The following COL9A2 variants were observed in gnomAD, a reference collection of about 807,000 sequenced individuals.
The protein encoded by COL9A2 is collagen alpha-2(IX) chain.
A neutral mutation model predicts 111.6 loss-of-function variants in COL9A2; 66 were observed. That is an observed-to-expected ratio of 0.59 (90% CI 0.48 to 0.73). The LOEUF (loss-of-function observed/expected upper bound fraction) is 0.73, where lower values mean the gene tolerates loss of function less well. Ranked by LOEUF, COL9A2 falls within the 30% of genes least tolerant of loss-of-function variation. The pLI is 0.00. For synonymous variants in COL9A2, 353 were observed against 364.1 expected, an observed-to-expected ratio of 0.97 and a Z score of 0.35; for missense variants, 881 against 954.1, an observed-to-expected ratio of 0.92 and a Z score of 1.01.
At position 40,311,303 on chromosome 1, in the gene COL9A2, C is replaced by A; in HGVS notation, c.520-17G>T. On this transcript the variant is annotated splice_polypyrimidine_tract_variant and intron_variant, in intron 10 of 31. Transcript: ENST00000372748. This position sits in a 1 kb window ranked among gnomAD's most constrained non-coding sequence, Gnocchi z 5.1. ...GGTTGGACACTGGAAACAGAAAATC[C>A]CACAGGGTCCTGTGATCAGCTGGGC... 1 of 1,613,044 alleles carries A rather than the reference C, an allele frequency of 6.2e-7. No individual in the cohort carries two copies. The highest frequency in any genetic ancestry group is 8.5e-7 in the Non-Finnish European group (1 of 1,179,556).
intron 4 of COL9A2, among the ~76,000 whole-genome samples, chr1:40,313,134 TC>T (rs1324559805): frequency 1.3e-5 from 2 of 152,080 alleles, no homozygotes; most frequent in Non-Finnish European, 2.9e-5. Context: ...TTTTTCATTT[TC>T]TTTTCTTTTC....
Position 40,304,404 on chromosome 1 carries a change from G to A in COL9A2, c.1216-13C>T. 6.2e-7 allele frequency: 1 copy of A among 1,608,546 alleles called. No homozygotes were observed. Among genetic ancestry groups the A allele is most frequent in the South Asian group, 1.1e-5 (1 of 89,996 alleles). On this transcript the variant is annotated splice_polypyrimidine_tract_variant and intron_variant, in intron 23 of 31. Coordinates refer to ENST00000372748, the MANE Select transcript of COL9A2 (RefSeq NM_001852.4). Reference sequence around the variant, plus strand: ...CCCCCTTAGGGCCCTGAGGAGAAAAGAAACCAAAGGAATAAATGGAATGAG... The same window carrying A: ...CCCCCTTAGGGCCCTGAGGAGAAAAAAAACCAAAGGAATAAATGGAATGAG...
Position 40,311,908 on chromosome 1 carries a change from G to A in COL9A2, c.417+151C>T, listed in dbSNP as rs75286803. On this transcript the variant is annotated intron_variant, in intron 8 of 31. Coordinates refer to ENST00000372748, the MANE Select transcript of COL9A2 (RefSeq NM_001852.4). The surrounding 1 kb of genome is among the most constrained non-coding windows in gnomAD (Gnocchi z 5.1). ...CGGCGTCCCTAAAAGACCTAGTGCCGGGTGGGCTCATAGGAGGGGTTTCTG... is the reference window on the plus strand; with the variant it reads ...CGGCGTCCCTAAAAGACCTAGTGCCAGGTGGGCTCATAGGAGGGGTTTCTG... 4,579 of 993,012 alleles carry A rather than the reference G, an allele frequency of 4.6e-3. 22 individuals carry two copies. Among genetic ancestry groups the A allele is most frequent in the Admixed American group, 6.3e-3 (312 of 49,886 alleles). 61.5% of individuals were successfully genotyped at this position (993,012 alleles called of 1,614,324 possible). A position where few individuals can be genotyped will look rare whatever the true frequency, so the allele number is the denominator to read the frequency against.
chr1:40,306,294 T>C (rs1051121698), intron 19 of COL9A2, 107 bp from the exon 20 acceptor site: 4 of 1,271,990 alleles, frequency 3.1e-6, no homozygotes, highest in African/African-American at 1.5e-5. Flanking sequence ...CTGTGGGAGC[T>C]GAACAACAGA....
chr1:40,307,724 G>A lies in COL9A2; in HGVS notation c.933C>T (p.Thr311=), dbSNP rs757772360. 1 of 1,614,052 alleles carries A rather than the reference G, an allele frequency of 6.2e-7. No individual in the cohort carries two copies. Among genetic ancestry groups the A allele is most frequent in the African/African-American group, 1.3e-5 (1 of 74,918 alleles). Residue 311 remains threonine, a synonymous_variant, in exon 18 of 32, where the codon ACC becomes ACT. Transcript: ENST00000372748. The surrounding 1 kb of genome is among the most constrained non-coding windows in gnomAD (Gnocchi z 4.8). Reference sequence around the variant, plus strand: ...CTACCTTCATGCCAGGCGTGCCTGGGGTCCCATCCTTGCCGTTGATGCCTG... The same window carrying A: ...CTACCTTCATGCCAGGCGTGCCTGGAGTCCCATCCTTGCCGTTGATGCCTG... The part of the protein sequence containing the change: ...GPPGINGKDG[T]PGTPGMKGSA...
intron 16 of COL9A2, among the ~76,000 whole-genome samples, chr1:40,309,201 A>AT (rs1479672735): frequency 2.6e-5 from 4 of 152,082 alleles, no homozygotes; most frequent in Non-Finnish European, 4.4e-5. Context: ...AGATCGCACC[A>AT]TGCACTCCAG....
At position 40,310,179 on chromosome 1, in the gene COL9A2, G is replaced by T. The variant is rs1221702650; in HGVS notation, c.739-15C>A. The T allele has an allele frequency of 6.2e-7, 1 of 1,614,038 alleles. No homozygotes were observed. The highest frequency in any genetic ancestry group is 1.3e-5 in the African/African-American group (1 of 74,910). ...CCATGAGGGCCCTGGGGAGAGGAAAGGGTTGCAGGTCAGTCCTGGCTGAAC... is the reference window on the plus strand; with the variant it reads ...CCATGAGGGCCCTGGGGAGAGGAAATGGTTGCAGGTCAGTCCTGGCTGAAC... On this transcript the variant is annotated splice_polypyrimidine_tract_variant and intron_variant, in intron 14 of 31. Coordinates refer to ENST00000372748, the MANE Select transcript of COL9A2 (RefSeq NM_001852.4). The surrounding 1 kb of genome is among the most constrained non-coding windows in gnomAD (Gnocchi z 4.9).
rs749753328 is a variant in COL9A2, at chr1:40,301,140, T to C, written c.*42A>G. The C allele has an allele frequency of 8.0e-5, 128 of 1,607,198 alleles. No individual in the cohort carries two copies. The highest frequency in any genetic ancestry group is 1.0e-4 in the Non-Finnish European group (120 of 1,175,830). On this transcript the variant is annotated 3_prime_UTR_variant, in exon 32 of 32. Coordinates refer to ENST00000372748, the MANE Select transcript of COL9A2 (RefSeq NM_001852.4). ...TGTCCACCCAGAGGGGACCTGGTCC[T>C]TCCCGCCAGGATGCCTGCCAGGCTC...
intron 16 of COL9A2, among the ~76,000 whole-genome samples, chr1:40,309,647 CTCACACACACATACATACACTCACAG>C (rs1644086086): frequency 6.6e-6 from 1 of 152,006 alleles, no homozygotes; most frequent in Non-Finnish European, 1.5e-5. Flanking sequence ...CACACACTCA[CTCACACACACATACATACACTCACAG>C]TCACACACAC....
In COL9A2 at chr1:40,312,767, C is replaced by T. The variant is rs1379617738; in HGVS notation, c.267G>A (p.Lys89=). ...GGATCCCCATGGGGCCAGGCTCCCC[C>T]TTGGCTCCAGTTAAACCCTGGGGAA... ...KPGIDGLTGA[K]GEPGPMGIPG... The change falls in exon 5 of 32, where the codon AAG becomes AAA. Residue 89 remains lysine (K), a synonymous_variant. Transcript: ENST00000372748. This position sits in a 1 kb window ranked among gnomAD's most constrained non-coding sequence, Gnocchi z 6.0. The T allele has an allele frequency of 1.9e-6, 3 of 1,552,002 alleles. No homozygotes were observed. The highest frequency in any genetic ancestry group is 2.6e-6 in the Non-Finnish European group (3 of 1,147,248).
intron 2 of COL9A2, 75 bp downstream of exon 2, chr1:40,315,515 C>A (rs1438814748): frequency 2.0e-6 from 3 of 1,499,976 alleles, no homozygotes; most frequent in African/African-American, 2.8e-5. Flanking sequence ...AAGTCCCCAC[C>A]CCCACCACAG....
Position 40,301,228 on chromosome 1 carries a change from T to C in COL9A2, c.2024A>G (p.Tyr675Cys), listed in dbSNP as rs968288876. Residue 675 changes from tyrosine to cysteine, a missense_variant, in exon 32 of 32, where the codon TAT becomes TGT. By Grantham distance (194) the Tyr-to-Cys change is radical. Transcript: ENST00000372748. ...EPAACLGASA[Y>C]ASARLTEPGS... is the part of the protein sequence containing the mutation. Reference sequence around the variant, plus strand: ...AGGCTCTGTAAGGCGGGCAGAGGCATAGGCCGAAGCTCCAAGGCAGGCGGC... The same window carrying C: ...AGGCTCTGTAAGGCGGGCAGAGGCACAGGCCGAAGCTCCAAGGCAGGCGGC... 6.2e-7 allele frequency: 1 copy of C among 1,614,044 alleles called. No homozygotes were observed. The highest frequency in any genetic ancestry group is 8.5e-7 in the Non-Finnish European group (1 of 1,180,006).
In COL9A2 at chr1:40,301,008, C is replaced by T. The variant is rs1412704534; in HGVS notation, c.*174G>A. On this transcript the variant is annotated 3_prime_UTR_variant, in exon 32 of 32. Transcript: ENST00000372748. The stretch of plus-strand genomic sequence containing the variant: ...GGCCTCACTTTTTCACCCATCAGTG[C>T]TCTACCTCCCCTTCCCCCATGTTTT... 4 of 678,536 alleles carry T rather than the reference C, an allele frequency of 5.9e-6. No homozygotes were observed. In the East Asian group the frequency reaches 1.1e-4, roughly 19 times the overall value. 42.0% of individuals were successfully genotyped at this position (678,536 alleles called of 1,614,324 possible). A position where few individuals can be genotyped will look rare whatever the true frequency, so the allele number is the denominator to read the frequency against.
At chr1:40,305,682 A>G (rs1644017459) in intron 21 of COL9A2, 33 bp downstream of exon 21, 1 of 1,609,418 alleles carries the variant, frequency 6.2e-7, no homozygotes, top group South Asian at 1.1e-5. Flanking sequence ...ACCCTAAAGC[A>G]GGAACCCTTG....
chr1:40,303,786 C>T lies in COL9A2; in HGVS notation c.1401+21G>A. 6.5e-7 allele frequency: 1 copy of T among 1,549,854 alleles called. No individual in the cohort carries two copies. The highest frequency in any genetic ancestry group is 8.7e-7 in the Non-Finnish European group (1 of 1,151,266). On this transcript the variant is annotated intron_variant, in intron 27 of 31. Coordinates refer to ENST00000372748, the MANE Select transcript of COL9A2 (RefSeq NM_001852.4). The surrounding 1 kb of genome is among the most constrained non-coding windows in gnomAD (Gnocchi z 4.6). ...GTGGCCGCCCAGGAAAGTCGGAGAA[C>T]GCCGGGAGGGGAGGACTCACCTGTC...
At position 40,310,259 on chromosome 1, in the gene COL9A2, C is replaced by A. The variant is rs1391869316; in HGVS notation, c.738+5G>T. 6.2e-7 allele frequency: 1 copy of A among 1,614,024 alleles called. No homozygotes were observed. The highest frequency in any genetic ancestry group is 1.7e-5 in the Admixed American group (1 of 60,006). On this transcript the variant is annotated splice_donor_5th_base_variant and intron_variant, in intron 14 of 31. Coordinates refer to ENST00000372748, the MANE Select transcript of COL9A2 (RefSeq NM_001852.4). This position sits in a 1 kb window ranked among gnomAD's most constrained non-coding sequence, Gnocchi z 4.9. ...CTCTTGTAGAACACCCCAAGATTCA[C>A]TTACCGTCTCTCCCTTGGGCCCTGC... is the stretch of plus-strand genomic sequence containing the variant.
rs776290734 is a variant in COL9A2 at position 40,303,849 on chromosome 1, C to G, written c.1369-10G>C. The G allele has an allele frequency of 9.0e-6, 14 of 1,555,036 alleles. No homozygotes were observed. In the South Asian group the frequency reaches 1.4e-4, roughly 16 times the overall value. On this transcript the variant is annotated splice_polypyrimidine_tract_variant and intron_variant, in intron 26 of 31. Coordinates refer to ENST00000372748, the MANE Select transcript of COL9A2 (RefSeq NM_001852.4). The surrounding 1 kb of genome is among the most constrained non-coding windows in gnomAD (Gnocchi z 4.6). The stretch of plus-strand genomic sequence containing the variant: ...GCTCGCCGGACTCGCCCTGCAGGCA[C>G]AAGGAGCAGCGGTCACGAAGCCGCG...
Position 40,301,400 on chromosome 1 carries a change from C to T in COL9A2, c.1871-19G>A, listed in dbSNP as rs1370783572. On this transcript the variant is annotated intron_variant, in intron 31 of 31. Transcript: ENST00000372748. ...GGGAGTCCTGTGAACAGGAGAAAGT[C>T]AAGACATTAGGGGCACCTCTTGTCT... 6.3e-7 allele frequency: 1 copy of T among 1,599,854 alleles called. No homozygotes were observed. Among genetic ancestry groups the T allele is most frequent in the Non-Finnish European group, 8.5e-7 (1 of 1,173,198 alleles).
rs767966367 is a variant in COL9A2 at position 40,302,587 on chromosome 1, C to T, written c.1792+34G>A. ...GCCGGCCTGGACAAATCCTCACTGC[C>T]TGGCCCCCATGCCCACCGCAGAGGA... is the stretch of plus-strand genomic sequence containing the variant. On this transcript the variant is annotated intron_variant, in intron 30 of 31. Transcript: ENST00000372748. The surrounding 1 kb of genome is among the most constrained non-coding windows in gnomAD (Gnocchi z 4.5). The T allele has an allele frequency of 1.6e-5, 25 of 1,573,296 alleles. No homozygotes were observed. Among genetic ancestry groups the T allele is most frequent in the African/African-American group, 2.7e-5 (2 of 73,682 alleles).
Sources: allele counts gnomAD v4.1 joint callset (sites outside exome capture counted in the v4.1 genomes callset), GRCh38; gene constraint gnomAD v4.1.1; non-coding constraint Gnocchi (gnomAD v3.1); transcripts MANE v1.5; gene names NCBI Gene and HGNC (gene_info 2026-07-23, HGNC 2026-07-21).